HPS5: variants seen among roughly 807,000 people sequenced by gnomAD.
The protein encoded by HPS5 is BLOC-2 complex member HPS5.
Under a neutral mutation model 128.0 loss-of-function variants are expected in HPS5, and 83 were observed. The observed-to-expected ratio is 0.65, with a 90% CI of 0.54 to 0.78. The LOEUF (loss-of-function observed/expected upper bound fraction) is 0.78, where lower values mean the gene tolerates loss of function less well. Ranked by LOEUF, HPS5 falls within the 30% of genes least tolerant of loss-of-function variation. The probability of loss-of-function intolerance (pLI) is 0.00; values close to 1 mark genes in which losing one functional copy is unlikely to be tolerated. For synonymous variants in HPS5, 475 were observed against 470.2 expected (o/e 1.01, Z -0.13); for missense variants, 1,281 against 1,326.2 (o/e 0.97, Z 0.53).
chr11:18,286,525 G>C, intron 19 of HPS5, 66 bp downstream of exon 19: 1 of 1,494,426 alleles, frequency 6.7e-7, no homozygotes, highest in South Asian at 1.2e-5. Flanking sequence ...CTAGGCGACA[G>C]AGTGAGATCC....
At position 18,308,838 on chromosome 11, in the gene HPS5, G is replaced by GAA. The variant is rs35952141; in HGVS notation, c.611+106_611+107dup. On this transcript the variant is annotated intron_variant, in intron 6 of 22. Transcript: ENST00000349215. ...CTCAAAAAAAGAAAAAAAAGAAAAA[G>GAA]AAAAAAAATCTGTATAACTGATTGA... is the stretch of plus-strand genomic sequence containing the variant. 421 of 1,096,216 alleles carry GAA rather than the reference G, an allele frequency of 3.8e-4. 1 individual carries two copies. The highest frequency in any genetic ancestry group is 3.7e-4 in the Non-Finnish European group (277 of 747,798). 67.9% of individuals were successfully genotyped at this position (1,096,216 alleles called of 1,614,324 possible).
chr11:18,290,607 T>C lies in HPS5; in HGVS notation c.2440+835A>G, dbSNP rs890951484. On this transcript the variant is annotated intron_variant, in intron 16 of 22. Coordinates refer to ENST00000349215, the MANE Select transcript of HPS5 (RefSeq NM_181507.2). ...CAGCACTGCTCTACCATTTTCTGAA[T>C]GTCATTATGAGAGAAATAAAACTAA... Among the ~76,000 whole-genome samples, 8 of 152,324 alleles carry C rather than the reference T, an allele frequency of 5.3e-5. 1 individual carries two copies. In the East Asian group the frequency reaches 1.4e-3, roughly 26 times the overall value.
intron 5 of HPS5, among the ~76,000 whole-genome samples, chr11:18,309,491 CAGA>C (rs1485937741): frequency 2.0e-5 from 3 of 152,064 alleles, no homozygotes; most frequent in Admixed American, 1.3e-4. Flanking sequence ...GCCTGGGCAA[CAGA>C]AGAAGAACCT....
chr11:18,315,003 T>C (rs540824183), intron 2 of HPS5, among the ~76,000 whole-genome samples: 2 of 151,270 alleles, frequency 1.3e-5, no homozygotes, highest in East Asian at 1.9e-4. Context: ...CCAGGGCAGC[T>C]TCTTCCTCTT....
rs568741411 is a variant in HPS5, at chr11:18,298,793, C to T, written c.1163G>A (p.Arg388Lys). ...CLFQNSVIAS[R>K]ARKTLTADKL... ...ATGTCTAGGTAAGCTCTGACTCACT[C>T]TGCTGGCAATGACAGAATTTTGGAA... The change falls in exon 10 of 23, where the codon AGA becomes AAA. Residue 388 changes from arginine to lysine, a missense_variant and splice_region_variant. Physicochemically the swap from Arg to Lys is conservative, Grantham distance 26. Coordinates refer to ENST00000349215, the MANE Select transcript of HPS5 (RefSeq NM_181507.2). 8 of 1,613,920 alleles carry T rather than the reference C, an allele frequency of 5.0e-6. No homozygotes were observed. Among genetic ancestry groups the T allele is most frequent in the Non-Finnish European group, 6.8e-6 (8 of 1,179,930 alleles).
chr11:18,290,158 C>T (rs1187106320), intron 16 of HPS5, among the ~76,000 whole-genome samples: 1 of 152,182 alleles, frequency 6.6e-6, no homozygotes, highest in Non-Finnish European at 1.5e-5. Flanking sequence ...CAAACATGAC[C>T]ACATCCCTTA....
intron 22 of HPS5, 68 bp from the exon 23 acceptor site, chr11:18,280,010 A>G: frequency 6.7e-7 from 1 of 1,482,466 alleles, no homozygotes; most frequent in Non-Finnish European, 9.4e-7. Context: ...GAAAACTTAA[A>G]AACTACAGAG....
At chr11:18,299,462 A>G (rs1450185598) in intron 9 of HPS5, among the ~76,000 whole-genome samples, 4 of 152,194 alleles carry the variant, frequency 2.6e-5, no homozygotes, top group African/African-American at 9.6e-5. Context: ...AAGCCACAAG[A>G]AAGTCACTGT....
intron 1 of HPS5, among the ~76,000 whole-genome samples, chr11:18,318,114 G>A (rs548928605): frequency 1.1e-4 from 16 of 152,194 alleles, no homozygotes; most frequent in African/African-American, 1.4e-4. Context: ...TAGCAGGTAC[G>A]GATTCTCAGG....
At chr11:18,286,871 G>A (rs550191081) in intron 18 of HPS5, 161 bp from the exon 19 acceptor site, 5 of 801,318 alleles carry the variant, frequency 6.2e-6, no homozygotes, top group African/African-American at 1.8e-5. Context: ...TGGTGACCAA[G>A]CTCCAAGATA....
chr11:18,285,515 T>C, intron 19 of HPS5, 56 bp from the exon 20 acceptor site: 1 of 1,158,060 alleles, frequency 8.6e-7, no homozygotes. Context: ...TAGAAAATGC[T>C]TATTTATCAC....
chr11:18,296,532 C>A (rs1861087154), intron 12 of HPS5: 1 of 596,304 alleles, frequency 1.7e-6, no homozygotes. Flanking sequence ...TGGTTAATGA[C>A]CTTTCTTTCA....
Position 18,311,457 on chromosome 11 carries a change from G to T in HPS5, c.220-6C>A. ...ACTTGAGAAATTGCACCTTCCTAGA[G>T]CACAAAAGAAAATACATTTTTTAAA... On this transcript the variant is annotated splice_polypyrimidine_tract_variant and splice_region_variant and intron_variant, in intron 3 of 22. Transcript: ENST00000349215. 6.4e-7 allele frequency: 1 copy of T among 1,559,038 alleles called. No individual in the cohort carries two copies.
At position 18,292,976 on chromosome 11, in the gene HPS5, C is replaced by G. The variant is rs1564942929; in HGVS notation, c.1785G>C (p.Glu595Asp). Residue 595 changes from glutamate (E) to aspartate (D), a missense_variant and splice_region_variant, in exon 15 of 23, where the codon GAG becomes GAC. Physicochemically the swap from Glu to Asp is conservative, Grantham distance 45. Transcript: ENST00000349215. The part of the protein sequence containing the change: ...SDTCPKEEDT[E>D]EEKEVTSPPP... ...GTGGACTAGTTACCTCTTTTTCCTCCCTAAAAAAGTGTGCAAAATAACAAT... is the reference window on the plus strand; with the variant it reads ...GTGGACTAGTTACCTCTTTTTCCTCGCTAAAAAAGTGTGCAAAATAACAAT... The G allele has an allele frequency of 1.9e-6, 3 of 1,613,110 alleles. No homozygotes were observed. Among genetic ancestry groups the G allele is most frequent in the Non-Finnish European group, 2.5e-6 (3 of 1,179,168 alleles).
chr11:18,296,471 A>G (rs1019077341), intron 12 of HPS5: 3 of 569,764 alleles, frequency 5.3e-6, no homozygotes, highest in South Asian at 2.2e-5. Context: ...TAATTTTTCA[A>G]TCCTGATGAA....
At chr11:18,295,255 A>G (rs973312201) in intron 13 of HPS5, 86 bp from the exon 14 acceptor site, 29 of 1,382,312 alleles carry the variant, frequency 2.1e-5, no homozygotes, top group African/African-American at 8.6e-5. Context: ...TTTCTCCCTA[A>G]TAAGTCCTAG....
At position 18,282,164 on chromosome 11, in the gene HPS5, T is replaced by G. The variant is rs764173560; in HGVS notation, c.3115A>C (p.Lys1039Gln). ...WKLLLHLIQS[K>Q]STRPAPQESL... ...TCCTGGGGGGCTGGCCTCGTGCTCT[T>G]GCTCTGTATGAGATGAAGGAGAAGC... Residue 1039 changes from lysine (K) to glutamine (Q), a missense_variant, in exon 22 of 23, where the codon AAG (lysine) becomes CAG (glutamine). Transcript: ENST00000349215. 12 of 1,614,140 alleles carry G rather than the reference T, an allele frequency of 7.4e-6. No homozygotes were observed. In the South Asian group the frequency reaches 1.2e-4, roughly 16 times the overall value.
intron 5 of HPS5, among the ~76,000 whole-genome samples, chr11:18,309,860 G>C (rs1280694853): frequency 6.6e-6 from 1 of 152,130 alleles, no homozygotes; most frequent in Non-Finnish European, 1.5e-5. Context: ...AAATTAGCCA[G>C]GCGTGGTGAT....
intron 12 of HPS5, chr11:18,296,547 C>A: frequency 1.7e-6 from 1 of 604,348 alleles, no homozygotes; most frequent in Non-Finnish European, 2.9e-6. Flanking sequence ...CTTTCATAAC[C>A]TTTCCAGCAT....
Sources: allele counts gnomAD v4.1 joint callset (sites outside exome capture counted in the v4.1 genomes callset), GRCh38; gene constraint gnomAD v4.1.1; transcripts MANE v1.5; gene names NCBI Gene and HGNC (gene_info 2026-07-23, HGNC 2026-07-21).